SPTBN2: variants seen among roughly 807,000 people sequenced by gnomAD.
The protein encoded by SPTBN2 is spectrin beta chain, non-erythrocytic 2.
A neutral mutation model predicts 284.2 loss-of-function variants in SPTBN2; 107 were observed. That is an observed-to-expected ratio of 0.38 (90% confidence interval 0.32 to 0.44). The LOEUF is 0.44. Ranked by LOEUF, SPTBN2 falls within the 20% of genes least tolerant of loss-of-function variation. The probability of loss-of-function intolerance (pLI) is 1.00; values close to 1 mark genes in which losing one functional copy is unlikely to be tolerated. For synonymous variants in SPTBN2, 1,289 were observed against 1,354.8 expected (o/e 0.95, Z 1.07); for missense variants, 2,569 against 3,287.1 (o/e 0.78, Z 5.34).
intron 8 of SPTBN2, chr11:66,712,928 C>G (rs999886797): frequency 7.2e-5 from 11 of 152,396 alleles, no homozygotes; most frequent in Non-Finnish European, 1.0e-4. Flanking sequence ...CCACTGCAGC[C>G]TAGAACTCCT....
In SPTBN2 at chr11:66,708,096, C is replaced by T. The variant is rs773065197; in HGVS notation, c.1350+45G>A. On this transcript the variant is annotated intron_variant, in intron 12 of 37. Coordinates refer to ENST00000533211, the MANE Select transcript of SPTBN2 (RefSeq NM_006946.4). This position sits in a 1 kb window ranked among gnomAD's most constrained non-coding sequence, Gnocchi z 4.4. The stretch of plus-strand genomic sequence containing the variant: ...GGCTTCTTATCCACCCTGTCTCTCT[C>T]CCAGTTCTGACCAGCCTAAGCATCC... The T allele has an allele frequency of 3.1e-6, 5 of 1,612,238 alleles. No individual in the cohort carries two copies. The East Asian group carries it at 1.1e-4, about 36-fold the overall frequency.
In SPTBN2 at chr11:66,715,190, A is replaced by C. The variant is rs1476908423; in HGVS notation, c.483+32T>G. 1 of 1,613,864 alleles carries C rather than the reference A, an allele frequency of 6.2e-7. No homozygotes were observed. Among genetic ancestry groups the C allele is most frequent in the Non-Finnish European group, 8.5e-7 (1 of 1,179,900 alleles). On this transcript the variant is annotated intron_variant, in intron 5 of 37. Transcript: ENST00000533211. The surrounding 1 kb of genome is among the most constrained non-coding windows in gnomAD (Gnocchi z 5.3). Reference sequence around the variant, plus strand: ...CTTGCGGTGCAGAGCCAGGGCAGGAACCACACCCTGTGTGACAGTGTGCTG... The same window carrying C: ...CTTGCGGTGCAGAGCCAGGGCAGGACCCACACCCTGTGTGACAGTGTGCTG...
In SPTBN2 at chr11:66,708,944, G is replaced by T. The variant is rs766706005; in HGVS notation, c.1149C>A (p.Val383=). ...TGAGCCGGCCCTCGCGGGGCGTGTA[G>T]ACCTTCTGGTTGTTGGCCCGAAGCT... ...QSKLRANNQK[V]YTPREGRLIS... The change falls in exon 11 of 38, where the codon GTC becomes GTA. Residue 383 remains valine (V), a synonymous_variant. Transcript: ENST00000533211. This position sits in a 1 kb window ranked among gnomAD's most constrained non-coding sequence, Gnocchi z 4.4. The T allele has an allele frequency of 3.7e-6, 6 of 1,613,978 alleles. No homozygotes were observed. Among genetic ancestry groups the T allele is most frequent in the Non-Finnish European group, 3.4e-6 (4 of 1,180,002 alleles).
At chr11:66,733,234 T>A (rs1346648894), upstream of SPTBN2, among the ~76,000 whole-genome samples, 5 of 152,082 alleles carry the variant, frequency 3.3e-5, no homozygotes, top group African/African-American at 1.2e-4. Context: ...GTAGCTGCTA[T>A]GGGGGGAATA....
Position 66,697,806 on chromosome 11 carries a change from G to A in SPTBN2, c.4014+833C>T, listed in dbSNP as rs377632231. Among the ~76,000 whole-genome samples, 31 of 152,236 alleles carry A rather than the reference G, an allele frequency of 2.0e-4. 1 individual carries two copies. In the South Asian group the frequency reaches 6.4e-3, roughly 32 times the overall value. On this transcript the variant is annotated intron_variant, in intron 20 of 37. Coordinates refer to ENST00000533211, the MANE Select transcript of SPTBN2 (RefSeq NM_006946.4). ...GCTACAGTGTTGTTCCTTCAGGGTG[G>A]AGCCTACCATGGGATCCCTTTCGGA...
chr11:66,686,415 A>G lies in SPTBN2; in HGVS notation c.6922T>C (p.Phe2308Leu). Residue 2308 changes from phenylalanine to leucine, a missense_variant, in exon 37 of 38, where the codon TTC (phenylalanine) becomes CTC (leucine). Phe to Leu is a conservative substitution (Grantham distance 22). Coordinates refer to ENST00000533211, the MANE Select transcript of SPTBN2 (RefSeq NM_006946.4). ...CAGCTCACCTCATCCTTGGCCTGGA[A>G]TAAATATTCTTTTCCATCCTGTAAG... ...LGLQDGKEYL[F>L]QAKDEAEMSS... is the part of the protein sequence containing the mutation. 1 of 1,614,084 alleles carries G rather than the reference A, an allele frequency of 6.2e-7. No homozygotes were observed. The highest frequency in any genetic ancestry group is 8.5e-7 in the Non-Finnish European group (1 of 1,179,946).
upstream of SPTBN2, among the ~76,000 whole-genome samples, chr11:66,730,366 G>T (rs964023558): frequency 5.9e-5 from 9 of 151,786 alleles, no homozygotes; most frequent in African/African-American, 1.7e-4. Context: ...GGTGGATCGC[G>T]AGGTCAGGAG....
chr11:66,697,471 C>A (rs1470257941), intron 20 of SPTBN2, among the ~76,000 whole-genome samples: 1 of 152,142 alleles, frequency 6.6e-6, no homozygotes, highest in Non-Finnish European at 1.5e-5. Flanking sequence ...TCTCCCACCT[C>A]TTCTTCCATG....
intron 21 of SPTBN2, 120 bp downstream of exon 21, chr11:66,696,157 G>T: frequency 7.6e-7 from 1 of 1,310,230 alleles, no homozygotes; most frequent in Non-Finnish European, 1.1e-6. Context: ...CCAAAGAAAT[G>T]ACTCTGGGAA....
At chr11:66,699,893 T>C (rs1306213896) in intron 17 of SPTBN2, among the ~76,000 whole-genome samples, 3 of 152,246 alleles carry the variant, frequency 2.0e-5, no homozygotes, top group African/African-American at 7.2e-5. Flanking sequence ...GGGCTTTCTA[T>C]TTCTTCTAAA....
chr11:66,727,331 G>T (rs1339428834), intron 1 of SPTBN2, among the ~76,000 whole-genome samples: 2 of 152,220 alleles, frequency 1.3e-5, no homozygotes, highest in Non-Finnish European at 2.9e-5. Flanking sequence ...TCCAGCGTTG[G>T]AACTGTGGCT....
chr11:66,716,095 T>C, intron 3 of SPTBN2, 114 bp from the exon 4 acceptor site: 5 of 1,408,214 alleles, frequency 3.6e-6, no homozygotes, highest in Non-Finnish European at 5.0e-6. Flanking sequence ...AGCGGGGTCC[T>C]CTAAGGAGGA....
chr11:66,689,222 G>T (rs1383709713), intron 29 of SPTBN2, 42 bp from the exon 30 acceptor site: 2 of 1,577,480 alleles, frequency 1.3e-6, no homozygotes, highest in African/African-American at 2.7e-5. Flanking sequence ...ACCAGGATGT[G>T]AGATCTTTCC....
rs1163839348 is a variant in SPTBN2 at position 66,718,218 on chromosome 11, A to ACGGTCC, written c.158-2243_158-2238dup. On this transcript the variant is annotated intron_variant, in intron 3 of 37. Coordinates refer to ENST00000533211, the MANE Select transcript of SPTBN2 (RefSeq NM_006946.4). This position sits in a 1 kb window ranked among gnomAD's most constrained non-coding sequence, Gnocchi z 4.8. ...GTCACACCCACCCATGCCATCATACACGGTCCCTGCCAGCAGGTCCAAGCC... is the reference window on the plus strand; with the variant it reads ...GTCACACCCACCCATGCCATCATACACGGTCCCGGTCCCTGCCAGCAGGTCCAAGCC... 1.3e-5 allele frequency among the ~76,000 whole-genome samples: 2 copies of ACGGTCC among 152,156 alleles called. No homozygotes were observed. The highest frequency in any genetic ancestry group is 2.4e-5 in the African/African-American group (1 of 41,432).
chr11:66,698,951 G>A (rs1280892735), intron 19 of SPTBN2, 41 bp downstream of exon 19: 4 of 1,610,976 alleles, frequency 2.5e-6, no homozygotes, highest in South Asian at 1.1e-5. Context: ...AGGTGAGAAA[G>A]GGATGGCTAG....
Position 66,691,484 on chromosome 11 carries a change from G to A in SPTBN2, c.5365C>T (p.Leu1789=). Residue 1789 remains leucine, a synonymous_variant, in exon 27 of 38, where the codon CTG becomes TTG. Transcript: ENST00000533211. This position sits in a 1 kb window ranked among gnomAD's most constrained non-coding sequence, Gnocchi z 8.0. The stretch of plus-strand genomic sequence containing the variant: ...AGCACCTGACCCCGTGTGTCCAGCA[G>A]CTCAAGCAGGTCAGCCCAGGCCTCG... ...LNEAWADLLE[L]LDTRGQVLAA... is the part of the protein sequence containing the mutation. The A allele has an allele frequency of 1.2e-6, 2 of 1,611,902 alleles. No homozygotes were observed. Among genetic ancestry groups the A allele is most frequent in the Non-Finnish European group, 1.7e-6 (2 of 1,180,004 alleles).
intron 1 of SPTBN2, among the ~76,000 whole-genome samples, chr11:66,722,392 G>A (rs548366519): frequency 5.9e-5 from 9 of 151,570 alleles, no homozygotes; most frequent in East Asian, 5.9e-4. Flanking sequence ...TGGCTAACAC[G>A]GTGAAACCCC....
In SPTBN2 at chr11:66,688,311, G is replaced by A. The variant is rs769099784; in HGVS notation, c.6232C>T (p.Leu2078=). 18 of 1,584,832 alleles carry A rather than the reference G, an allele frequency of 1.1e-5. No homozygotes were observed. The highest frequency in any genetic ancestry group is 1.5e-5 in the Non-Finnish European group (18 of 1,165,320). The change falls in exon 32 of 38, where the codon CTA becomes TTA. Residue 2078 remains leucine, a splice_region_variant and synonymous_variant. Transcript: ENST00000533211. Reference sequence around the variant, plus strand: ...TTTCGCTCCTTCTCCCGCTCCTCTAGCTGTCAAAAAATGCTGCATTCAGCG... The same window carrying A: ...TTTCGCTCCTTCTCCCGCTCCTCTAACTGTCAAAAAATGCTGCATTCAGCG... ...RFCALEKLTA[L]EEREKERKRK... is the part of the protein sequence containing the mutation.
chr11:66,709,883 T>C (rs930033476), intron 10 of SPTBN2, among the ~76,000 whole-genome samples: 2 of 152,234 alleles, frequency 1.3e-5, no homozygotes, highest in Non-Finnish European at 2.9e-5. Context: ...ACCTCTGCAA[T>C]TCTCACGTTA....
Sources: gnomAD v4.1 joint callset for allele counts (sites outside exome capture counted in the v4.1 genomes callset) on GRCh38, gnomAD v4.1.1 for gene constraint, Gnocchi (gnomAD v3.1) non-coding constraint, MANE v1.5 for transcripts, NCBI Gene and HGNC (gene_info 2026-07-23, HGNC 2026-07-21) for gene names.